Variants in KCNQ2 observed in about 807,000 individuals in gnomAD.
KCNQ2 encodes the protein potassium voltage-gated channel subfamily Q member 2.
A neutral mutation model predicts 84.8 loss-of-function variants in KCNQ2; 14 were observed. The observed-to-expected ratio is 0.17, with a 90% CI of 0.11 to 0.26. The LOEUF is 0.26. Among genes scored for constraint, KCNQ2 ranks in the 10% least tolerant of loss-of-function variants. The pLI, the probability that KCNQ2 is intolerant of heterozygous loss-of-function variation, is 1.00. For missense variants in KCNQ2, 788 were observed against 1,254.0 expected, an observed-to-expected ratio of 0.63 and a Z score of 5.61; for synonymous variants, 599 against 554.1, an observed-to-expected ratio of 1.08 and a Z score of -1.14.
chr20:63,442,941 CCATCACCATCATCACCAT>C (rs2081254142), intron 4 of KCNQ2, among the ~76,000 whole-genome samples: 1 of 24,104 alleles, frequency 4.1e-5, no homozygotes, highest in African/African-American at 1.6e-4. Context: ...ATCACCACCA[CCATCACCATCATCACCAT>C]CACCACCACC....
rs751298942 is a variant in KCNQ2, at chr20:63,472,281, G to A, written c.183C>T (p.Gly61=). The A allele has an allele frequency of 2.0e-6, 3 of 1,536,582 alleles. No individual in the cohort carries two copies. The highest frequency in any genetic ancestry group is 2.6e-6 in the Non-Finnish European group (3 of 1,141,752). ...GSILSKPRAG[G]AGAGKPPKRN... ...GCTTGGGGGGCTTCCCGGCGCCCGC[G>A]CCGCCCGCGCGAGGTTTGCTGAGGA... Residue 61 remains glycine (G), a synonymous_variant, in exon 1 of 17, where the codon GGC becomes GGT. Transcript: ENST00000359125.
rs1182008922 is a variant in KCNQ2 at position 63,414,297 on chromosome 20, G to C, written c.1526-104C>G. 1 of 830,030 alleles carries C rather than the reference G, an allele frequency of 1.2e-6. No homozygotes were observed. Among genetic ancestry groups the C allele is most frequent in the East Asian group, 2.6e-5 (1 of 37,896 alleles). 51.4% of individuals were successfully genotyped at this position (830,030 alleles called of 1,614,324 possible). ...TAGACAGAGCGCCAGGGAGCCCCTC[G>C]AGGCTCCCTGTGGTGCCCCTCGGGT... On this transcript the variant is annotated intron_variant, in intron 13 of 16. Coordinates refer to ENST00000359125, the MANE Select transcript of KCNQ2 (RefSeq NM_172107.4). The surrounding 1 kb of genome is among the most constrained non-coding windows in gnomAD (Gnocchi z 6.6).
At position 63,442,539 on chromosome 20, in the gene KCNQ2, G is replaced by A; in HGVS notation, c.691-8C>T. On this transcript the variant is annotated splice_region_variant and splice_polypyrimidine_tract_variant and intron_variant, in intron 4 of 16. Coordinates refer to ENST00000359125, the MANE Select transcript of KCNQ2 (RefSeq NM_172107.4). Reference sequence around the variant, plus strand: ...CCAGGCAGTGACCAGCTCCTGAGAGGCAGACGGCACCACCATCATGACCAC... The same window carrying A: ...CCAGGCAGTGACCAGCTCCTGAGAGACAGACGGCACCACCATCATGACCAC... 1 of 1,612,476 alleles carries A rather than the reference G, an allele frequency of 6.2e-7. No individual in the cohort carries two copies. The highest frequency in any genetic ancestry group is 1.1e-5 in the South Asian group (1 of 91,028).
chr20:63,419,593 A>C (rs1222944030), intron 12 of KCNQ2, 26 bp downstream of exon 12: 1 of 1,601,330 alleles, frequency 6.2e-7, no homozygotes, highest in East Asian at 2.3e-5. Context: ...AGCAGCCGTC[A>C]GTCCGTGCGG....
At chr20:63,419,227 C>T (rs534117176) in intron 12 of KCNQ2, among the ~76,000 whole-genome samples, 21 of 152,068 alleles carry the variant, frequency 1.4e-4, no homozygotes, top group African/African-American at 4.6e-4. Context: ...CTGCCTCCCG[C>T]GGTCGAGGCA....
chr20:63,434,978 A>G (rs555368269), intron 7 of KCNQ2, among the ~76,000 whole-genome samples: 2 of 152,102 alleles, frequency 1.3e-5, no homozygotes, highest in Admixed American at 6.5e-5. Flanking sequence ...TCACGTGACA[A>G]CTCCACGTTT....
chr20:63,465,350 CAG>C (rs2082053071), intron 1 of KCNQ2, among the ~76,000 whole-genome samples: 1 of 152,382 alleles, frequency 6.6e-6, no homozygotes, highest in South Asian at 2.1e-4. Context: ...AAAGGGGAAA[CAG>C]AGGGGCTTCT....
chr20:63,455,494 G>A (rs1021954943), intron 1 of KCNQ2, among the ~76,000 whole-genome samples: 1 of 152,152 alleles, frequency 6.6e-6, no homozygotes, highest in Non-Finnish European at 1.5e-5. Flanking sequence ...AGGCCATGGC[G>A]GGGATCAGGC....
At chr20:63,439,832 C>T (rs1739081818) in intron 5 of KCNQ2, 124 bp from the exon 6 acceptor site, 3 of 754,520 alleles carry the variant, frequency 4.0e-6, no homozygotes, top group Non-Finnish European at 4.7e-6. Flanking sequence ...GTGTCACCAT[C>T]CACACGGAGG....
chr20:63,412,658 C>T (rs2080155639), intron 15 of KCNQ2, among the ~76,000 whole-genome samples: 1 of 152,202 alleles, frequency 6.6e-6, no homozygotes. Context: ...GGCTGTGACC[C>T]CCAGGCTGTC....
At position 63,472,543 on chromosome 20, in the gene KCNQ2, AG is replaced by A; in HGVS notation, c.-81del. On this transcript the variant is annotated 5_prime_UTR_variant, in exon 1 of 17. An upstream open reading frame in the 5' UTR loses its in-frame stop. Coordinates refer to ENST00000359125, the MANE Select transcript of KCNQ2 (RefSeq NM_172107.4). ...CGGGGGGCGGCGCGGGCCCCAGCCC[AG>A]GCCCCCCGGCCGGGAGCCGCATGGC... is the stretch of plus-strand genomic sequence containing the variant. 1 of 1,200,904 alleles carries A rather than the reference AG, an allele frequency of 8.3e-7. No homozygotes were observed. The highest frequency in any genetic ancestry group is 1.6e-5 in the African/African-American group (1 of 62,002). The allele number at this position is 1,200,904 out of a possible 1,614,324, so 74.4% of individuals were successfully genotyped here.
Position 63,408,272 on chromosome 20 carries a change from G to A in KCNQ2, c.1887+141C>T. 9.3e-7 allele frequency: 1 copy of A among 1,076,738 alleles called. No individual in the cohort carries two copies. Among genetic ancestry groups the A allele is most frequent in the Non-Finnish European group, 1.3e-6 (1 of 743,384 alleles). 66.7% of individuals were successfully genotyped at this position (1,076,738 alleles called of 1,614,324 possible). On this transcript the variant is annotated intron_variant, in intron 16 of 16. Coordinates refer to ENST00000359125, the MANE Select transcript of KCNQ2 (RefSeq NM_172107.4). The surrounding 1 kb of genome is among the most constrained non-coding windows in gnomAD (Gnocchi z 5.0). ...TGTGAGGGGTCTGCACAGAGCAGCT[G>A]TCAGTGGTGACAGGGCCATGTAAAC...
chr20:63,465,626 C>T (rs987769279), intron 1 of KCNQ2, among the ~76,000 whole-genome samples: 1 of 152,216 alleles, frequency 6.6e-6, no homozygotes, highest in Non-Finnish European at 1.5e-5. Context: ...GAGAGTTCCT[C>T]GGCGACAAGC....
At chr20:63,465,890 C>T (rs539850477) in intron 1 of KCNQ2, among the ~76,000 whole-genome samples, 47 of 152,358 alleles carry the variant, frequency 3.1e-4, no homozygotes, top group African/African-American at 1.1e-3. Context: ...CTAAAGGCGG[C>T]CTCATGGCTG....
In KCNQ2 at chr20:63,414,024, C is replaced by A; in HGVS notation, c.1631+64G>T. The A allele has an allele frequency of 8.1e-7, 1 of 1,227,392 alleles. No homozygotes were observed. The highest frequency in any genetic ancestry group is 1.2e-6 in the Non-Finnish European group (1 of 830,006). The allele number at this position is 1,227,392 out of a possible 1,614,324, so 76.0% of individuals were successfully genotyped here. A position where few individuals can be genotyped will look rare whatever the true frequency, so the allele number is the denominator to read the frequency against. ...CAGCACCATGAGCACCGGCAGCAGG[C>A]AGGACCACCGAGCGGGAGGCCCCTC... On this transcript the variant is annotated intron_variant, in intron 14 of 16. Coordinates refer to ENST00000359125, the MANE Select transcript of KCNQ2 (RefSeq NM_172107.4). This position sits in a 1 kb window ranked among gnomAD's most constrained non-coding sequence, Gnocchi z 6.6.
At chr20:63,458,160 C>T (rs926622157) in intron 1 of KCNQ2, among the ~76,000 whole-genome samples, 2 of 152,138 alleles carry the variant, frequency 1.3e-5, no homozygotes, top group South Asian at 2.1e-4. Context: ...CTCTTCCTCC[C>T]GGCATGCCCC....
Position 63,414,287 on chromosome 20 carries a change from G to A in KCNQ2, c.1526-94C>T, listed in dbSNP as rs944398882. On this transcript the variant is annotated intron_variant, in intron 13 of 16. Coordinates refer to ENST00000359125, the MANE Select transcript of KCNQ2 (RefSeq NM_172107.4). This position sits in a 1 kb window ranked among gnomAD's most constrained non-coding sequence, Gnocchi z 6.6. ...GCACACCGGCTAGACAGAGCGCCAG[G>A]GAGCCCCTCGAGGCTCCCTGTGGTG... is the stretch of plus-strand genomic sequence containing the variant. 1.1e-6 allele frequency: 1 copy of A among 930,576 alleles called. No individual in the cohort carries two copies. The highest frequency in any genetic ancestry group is 1.7e-6 in the Non-Finnish European group (1 of 578,416). 57.6% of individuals were successfully genotyped at this position (930,576 alleles called of 1,614,324 possible). A position where few individuals can be genotyped will look rare whatever the true frequency, so the allele number is the denominator to read the frequency against.
chr20:63,419,480 C>T (rs2080400182), intron 12 of KCNQ2, 139 bp downstream of exon 12: 1 of 797,112 alleles, frequency 1.3e-6, no homozygotes, highest in Non-Finnish European at 2.0e-6. Context: ...GGGAGCTGAG[C>T]CCGCACCGCC....
rs537573568 is a variant in KCNQ2, at chr20:63,407,546, C to T, written c.1888-171G>A. ...GCTAGTCCCAGGAGATGTGGGGACC[C>T]GGGCTGCTCCCAGGAAATGGGGGGG... On this transcript the variant is annotated intron_variant, in intron 16 of 16. Coordinates refer to ENST00000359125, the MANE Select transcript of KCNQ2 (RefSeq NM_172107.4). This position sits in a 1 kb window ranked among gnomAD's most constrained non-coding sequence, Gnocchi z 7.2. Among the ~76,000 whole-genome samples, 2 of 151,802 alleles carry T rather than the reference C, an allele frequency of 1.3e-5. No homozygotes were observed. Among genetic ancestry groups the T allele is most frequent in the African/African-American group, 2.4e-5 (1 of 41,382 alleles).
Sources: allele counts gnomAD v4.1 joint callset (sites outside exome capture counted in the v4.1 genomes callset), GRCh38; gene constraint gnomAD v4.1.1; non-coding constraint Gnocchi (gnomAD v3.1); transcripts MANE v1.5; gene names NCBI Gene and HGNC (gene_info 2026-07-23, HGNC 2026-07-21).